Variants in RIC1 observed in about 807,000 individuals in gnomAD.
The protein encoded by RIC1 is guanine nucleotide exchange factor subunit RIC1.
Under a neutral mutation model 169.0 loss-of-function variants are expected in RIC1, and 88 were observed. The ratio of observed to expected loss-of-function variants is 0.52; its 90% confidence interval spans 0.44 to 0.62. The LOEUF is 0.62. Among genes scored for constraint, RIC1 ranks in the 20% least tolerant of loss-of-function variants. The pLI, the probability that RIC1 is intolerant of heterozygous loss-of-function variation, is 0.00. For synonymous variants in RIC1, 790 were observed against 601.5 expected, an observed-to-expected ratio of 1.31 and a Z score of -4.59; for missense variants, 1,877 against 1,725.5, an observed-to-expected ratio of 1.09 and a Z score of -1.56.
In RIC1 at chr9:5,639,569, G is replaced by T. The variant is rs180971514; in HGVS notation, c.144+10116G>T. Among the ~76,000 whole-genome samples the T allele has an allele frequency of 5.3e-5, 8 of 152,256 alleles. No individual in the cohort carries two copies. In the South Asian group the frequency reaches 1.2e-3, roughly 24 times the overall value. ...AAGAATGTGTGTTCTGCACCCTTTG[G>T]ATGAAATGTTCTATAAATATCTGTT... On this transcript the variant is annotated intron_variant, in intron 1 of 25. Coordinates refer to ENST00000414202, the MANE Select transcript of RIC1 (RefSeq NM_020829.4).
Position 5,757,403 on chromosome 9 carries a change from G to C in RIC1, c.1944G>C (p.Leu648=). ...CTTTCCTGGTGGTATCTGTCACTCT[G>C]ACATCAGTGAGTACAGAGAATGGAA... is the stretch of plus-strand genomic sequence containing the variant. The part of the protein sequence containing the change: ...PHPFLVVSVT[L]TSVSTENGIT... Residue 648 remains leucine (L), a synonymous_variant, in exon 17 of 26, where the codon CTG becomes CTC. Transcript: ENST00000414202. 17 of 1,613,942 alleles carry C rather than the reference G, an allele frequency of 1.1e-5. No homozygotes were observed. The highest frequency in any genetic ancestry group is 1.1e-5 in the Non-Finnish European group (13 of 1,179,900).
intron 1 of RIC1, among the ~76,000 whole-genome samples, chr9:5,637,233 T>C (rs1251576136): frequency 6.6e-6 from 1 of 151,974 alleles, no homozygotes; most frequent in Non-Finnish European, 1.5e-5. Flanking sequence ...CTAATTTTTT[T>C]TTTTCTGTAA....
chr9:5,642,605 T>C (rs982749175), intron 1 of RIC1, among the ~76,000 whole-genome samples: 5 of 144,876 alleles, frequency 3.5e-5, no homozygotes, highest in Admixed American at 1.3e-4. Context: ...ACTCAAACCG[T>C]AACACAAAAT....
chr9:5,712,010 A>G (rs569759765), intron 3 of RIC1, among the ~76,000 whole-genome samples: 1 of 152,270 alleles, frequency 6.6e-6, no homozygotes, highest in East Asian at 1.9e-4. Context: ...AGTCTTTGCT[A>G]TTGTGAGTAG....
intron 1 of RIC1, among the ~76,000 whole-genome samples, chr9:5,637,207 G>A (rs761683059): frequency 2.6e-5 from 4 of 151,904 alleles, no homozygotes; most frequent in Non-Finnish European, 5.9e-5. Flanking sequence ...CTACAGGTGT[G>A]CCCCACTGCA....
At chr9:5,765,601 T>C (rs545675362) in intron 20 of RIC1, 29 bp downstream of exon 20, 1 of 1,614,016 alleles carries the variant, frequency 6.2e-7, no homozygotes, top group Non-Finnish European at 8.5e-7. Flanking sequence ...ACATCTTCTC[T>C]AGGCCATACA....
chr9:5,690,843 C>T (rs993998815), intron 3 of RIC1, among the ~76,000 whole-genome samples: 2 of 151,624 alleles, frequency 1.3e-5, no homozygotes, highest in Admixed American at 6.6e-5. Flanking sequence ...CACAGAGATT[C>T]CAGTAGATAA....
At chr9:5,707,528 T>G (rs1822662550) in intron 3 of RIC1, among the ~76,000 whole-genome samples, 1 of 152,168 alleles carries the variant, frequency 6.6e-6, no homozygotes, top group African/African-American at 2.4e-5. Flanking sequence ...TCTTTCTTCA[T>G]ATATTAATAT....
intron 25 of RIC1, 94 bp from the exon 26 acceptor site, chr9:5,773,864 T>C (rs752902435): frequency 7.5e-5 from 91 of 1,218,924 alleles, no homozygotes; most frequent in Middle Eastern, 2.1e-4. Flanking sequence ...TCGTCGTCTT[T>C]ACCATATCAA....
intron 3 of RIC1, among the ~76,000 whole-genome samples, chr9:5,701,802 A>G (rs1284657604): frequency 2.0e-5 from 3 of 152,206 alleles, no homozygotes; most frequent in African/African-American, 7.2e-5. Context: ...GAAAACCATC[A>G]TAATTAAAAT....
intron 1 of RIC1, among the ~76,000 whole-genome samples, chr9:5,629,983 A>G (rs750337117): frequency 1.3e-5 from 2 of 152,196 alleles, no homozygotes; most frequent in Non-Finnish European, 2.9e-5. Context: ...AGGTCTGGTT[A>G]TTTAACTCCC....
intron 2 of RIC1, among the ~76,000 whole-genome samples, chr9:5,659,867 A>G (rs1333843410): frequency 6.6e-6 from 1 of 152,136 alleles, no homozygotes; most frequent in Non-Finnish European, 1.5e-5. Flanking sequence ...TTCAGGGTAC[A>G]TGTGTAGGAT....
chr9:5,660,806 G>A (rs1340691203), intron 2 of RIC1, among the ~76,000 whole-genome samples: 2 of 151,986 alleles, frequency 1.3e-5, no homozygotes, highest in East Asian at 1.9e-4. Context: ...TTGTTTATCT[G>A]CTCACTCCAA....
At position 5,720,317 on chromosome 9, in the gene RIC1, A is replaced by G. The variant is rs1487355071; in HGVS notation, c.576A>G (p.Ser192=). The G allele has an allele frequency of 1.4e-5, 23 of 1,611,618 alleles. No individual in the cohort carries two copies. In the South Asian group the frequency reaches 2.3e-4, roughly 16 times the overall value. The change falls in exon 5 of 26, where the codon TCA becomes TCG. Residue 192 remains serine, a synonymous_variant. Coordinates refer to ENST00000414202, the MANE Select transcript of RIC1 (RefSeq NM_020829.4). ...TACCCTTTTCAGTAGACCTGCAGTC[A>G]TCTAGAGGTAGCTATACTTTCTACA... The part of the protein sequence containing the change: ...CTVPFSVDLQ[S]SRVGSFLGFT...
At chr9:5,778,346 A>G (rs981722980), downstream of RIC1, among the ~76,000 whole-genome samples, 80 of 152,324 alleles carry the variant, frequency 5.3e-4, no homozygotes, top group African/African-American at 1.9e-3. Context: ...AACCAGAGAT[A>G]GTTTGAACTC....
At chr9:5,744,833 T>A (rs1825286275) in intron 10 of RIC1, among the ~76,000 whole-genome samples, 1 of 152,174 alleles carries the variant, frequency 6.6e-6, no homozygotes. Flanking sequence ...CCCCTGTCTT[T>A]ACATAACAAG....
At position 5,774,496 on chromosome 9, in the gene RIC1, A is replaced by T; in HGVS notation, c.*250A>T. ...TAAATATTGTACAGATGTACATGAGAATATTTTGGTTTTACTCAAAGGTTG... is the reference window on the plus strand; with the variant it reads ...TAAATATTGTACAGATGTACATGAGTATATTTTGGTTTTACTCAAAGGTTG... On this transcript the variant is annotated 3_prime_UTR_variant, in exon 26 of 26. Transcript: ENST00000414202. The T allele has an allele frequency of 3.2e-6, 1 of 315,266 alleles. No individual in the cohort carries two copies. The highest frequency in any genetic ancestry group is 5.7e-6 in the Non-Finnish European group (1 of 174,100). The allele number at this position is 315,266 out of a possible 1,614,324, so 19.5% of individuals were successfully genotyped here. A position where few individuals can be genotyped will look rare whatever the true frequency, so the allele number is the denominator to read the frequency against.
intron 3 of RIC1, among the ~76,000 whole-genome samples, chr9:5,697,260 G>T (rs530478983): frequency 1.3e-5 from 2 of 152,114 alleles, no homozygotes; most frequent in Non-Finnish European, 2.9e-5. Flanking sequence ...ACTATGCTTG[G>T]TTTCTCTCAC....
At chr9:5,710,074 C>G (rs1170219192) in intron 3 of RIC1, among the ~76,000 whole-genome samples, 1 of 151,830 alleles carries the variant, frequency 6.6e-6, no homozygotes, top group Non-Finnish European at 1.5e-5. Flanking sequence ...GCTAAAAATC[C>G]AAAGAGAAAG....
Sources: allele counts gnomAD v4.1 joint callset (sites outside exome capture counted in the v4.1 genomes callset), GRCh38; gene constraint gnomAD v4.1.1; transcripts MANE v1.5; gene names NCBI Gene and HGNC (gene_info 2026-07-23, HGNC 2026-07-21).